HS3ST3B1: variants seen among roughly 807,000 people sequenced by gnomAD.
HS3ST3B1 encodes the protein heparan sulfate-glucosamine 3-sulfotransferase 3B1.
Under a neutral mutation model 21.3 loss-of-function variants are expected in HS3ST3B1, and 13 were observed. The observed-to-expected ratio is 0.61, with a 90% CI of 0.40 to 0.97. The LOEUF (loss-of-function observed/expected upper bound fraction) is 0.97. HS3ST3B1 is among the 50% of genes least tolerant of loss of function. HS3ST3B1 has a pLI of 0.00. For synonymous variants in HS3ST3B1, 234 were observed against 254.8 expected (o/e 0.92, Z 0.78); for missense variants, 459 against 554.8 (o/e 0.83, Z 1.73).
intron 1 of HS3ST3B1, among the ~76,000 whole-genome samples, chr17:14,308,995 T>C (rs1320566211): frequency 6.6e-6 from 1 of 152,236 alleles, no homozygotes; most frequent in Non-Finnish European, 1.5e-5. Flanking sequence ...AATCCCACTC[T>C]TGATTTAATG....
At chr17:14,316,527 G>A (rs1909506148) in intron 1 of HS3ST3B1, among the ~76,000 whole-genome samples, 1 of 152,130 alleles carries the variant, frequency 6.6e-6, no homozygotes. Context: ...TGTTGGAAAA[G>A]GTGAAGCTTT....
intron 1 of HS3ST3B1, among the ~76,000 whole-genome samples, chr17:14,313,113 T>TATATATATATATATAC (rs1555548211): frequency 5.4e-5 from 7 of 129,980 alleles, no homozygotes; most frequent in East Asian, 2.7e-4. Flanking sequence ...TGTGTGTATA[T>TATATATATATATATAC]ATATATATAT....
intron 1 of HS3ST3B1, among the ~76,000 whole-genome samples, chr17:14,314,953 G>A (rs983627611): frequency 6.6e-6 from 1 of 152,178 alleles, no homozygotes; most frequent in African/African-American, 2.4e-5. Flanking sequence ...TTACACTTTT[G>A]TAGGGATCCC....
At chr17:14,343,601 G>A (rs1910457959) in intron 1 of HS3ST3B1, among the ~76,000 whole-genome samples, 1 of 152,060 alleles carries the variant, frequency 6.6e-6, no homozygotes, top group African/African-American at 2.4e-5. Flanking sequence ...GTCTTTCTGT[G>A]CCTGATTTAT....
intron 1 of HS3ST3B1, among the ~76,000 whole-genome samples, chr17:14,336,258 G>A (rs1043881322): frequency 1.1e-4 from 17 of 152,198 alleles, no homozygotes; most frequent in African/African-American, 3.4e-4. Flanking sequence ...GTTAGGTTAC[G>A]CCCATTTCAA....
Position 14,348,087 on chromosome 17 carries a change from A to G in HS3ST3B1, c.*2441A>G, listed in dbSNP as rs1258242885. On this transcript the variant is annotated 3_prime_UTR_variant, in exon 2 of 2. Transcript: ENST00000360954. ...ACTTTCTGATCATTCTGATGGTCTG[A>G]TGTGGCTGTTGATGTGGAACTGCAG... The G allele has an allele frequency of 1.3e-5, 2 of 152,216 alleles. No individual in the cohort carries two copies. The highest frequency in any genetic ancestry group is 2.9e-5 in the Non-Finnish European group (2 of 68,056). 9.4% of individuals were successfully genotyped at this position (152,216 alleles called of 1,614,324 possible).
intron 1 of HS3ST3B1, among the ~76,000 whole-genome samples, chr17:14,316,514 T>C (rs914197446): frequency 6.6e-6 from 1 of 152,204 alleles, no homozygotes; most frequent in Non-Finnish European, 1.5e-5. Flanking sequence ...AGATGTTTGA[T>C]GGTGTTGGAA....
intron 1 of HS3ST3B1, among the ~76,000 whole-genome samples, chr17:14,309,944 A>C (rs1380060574): frequency 6.6e-6 from 1 of 152,058 alleles, no homozygotes; most frequent in Non-Finnish European, 1.5e-5. Flanking sequence ...AATTCAGTTG[A>C]GTCAATTTGC....
intron 1 of HS3ST3B1, among the ~76,000 whole-genome samples, chr17:14,309,018 G>T (rs189425714): frequency 3.1e-4 from 47 of 152,346 alleles, no homozygotes; most frequent in African/African-American, 1.1e-3. Context: ...TGGAGCTGGG[G>T]GGAGAGCCGC....
chr17:14,338,629 G>C (rs533241997), intron 1 of HS3ST3B1, among the ~76,000 whole-genome samples: 12 of 151,250 alleles, frequency 7.9e-5, no homozygotes, highest in Non-Finnish European at 1.3e-4. Context: ...TTTTAGTAGA[G>C]ATTAGGTTTT....
At chr17:14,321,803 T>G (rs758049) in intron 1 of HS3ST3B1, among the ~76,000 whole-genome samples, 116,432 of 152,048 alleles carry the variant, frequency 0.77, 45,284 homozygotes, top group Non-Finnish European at 0.85. Flanking sequence ...ATTTTCAGTT[T>G]TGTGATCATT....
rs1177935472 is a variant in HS3ST3B1, at chr17:14,347,341, A to G, written c.*1695A>G. On this transcript the variant is annotated 3_prime_UTR_variant, in exon 2 of 2. Transcript: ENST00000360954. Reference sequence around the variant, plus strand: ...GCAATATAGTGGCAATTGAGTAGCCATATAGTAATACAGGGGCAGTTGGTT... The same window carrying G: ...GCAATATAGTGGCAATTGAGTAGCCGTATAGTAATACAGGGGCAGTTGGTT... The G allele has an allele frequency of 1.3e-5, 2 of 152,240 alleles. No individual in the cohort carries two copies. The highest frequency in any genetic ancestry group is 4.8e-5 in the African/African-American group (2 of 41,466). The allele number at this position is 152,240 out of a possible 1,614,324, so 9.4% of individuals were successfully genotyped here.
At chr17:14,330,042 G>A (rs1909958542) in intron 1 of HS3ST3B1, among the ~76,000 whole-genome samples, 1 of 152,204 alleles carries the variant, frequency 6.6e-6, no homozygotes, top group Admixed American at 6.5e-5. Context: ...AGGAAAGATG[G>A]CACAGAGACG....
At chr17:14,325,919 CT>C (rs1909798881) in intron 1 of HS3ST3B1, among the ~76,000 whole-genome samples, 1 of 152,158 alleles carries the variant, frequency 6.6e-6, no homozygotes, top group Non-Finnish European at 1.5e-5. Context: ...TATCTAGCAA[CT>C]GTTTATTTTT....
intron 1 of HS3ST3B1, among the ~76,000 whole-genome samples, chr17:14,306,909 A>C (rs1366879693): frequency 6.6e-6 from 1 of 152,232 alleles, no homozygotes; most frequent in Non-Finnish European, 1.5e-5. Flanking sequence ...ATTTATTAGC[A>C]AGACAGTGGA....
chr17:14,324,938 C>T (rs1909762407), intron 1 of HS3ST3B1, among the ~76,000 whole-genome samples: 1 of 152,168 alleles, frequency 6.6e-6, no homozygotes. Flanking sequence ...ACATAAAGCA[C>T]AGAGAGCACA....
chr17:14,306,027 G>C (rs1341115143), intron 1 of HS3ST3B1, among the ~76,000 whole-genome samples: 1 of 152,250 alleles, frequency 6.6e-6, no homozygotes, highest in Admixed American at 6.5e-5. Flanking sequence ...ACACTTCCTC[G>C]CTTAAGTGAT....
intron 1 of HS3ST3B1, among the ~76,000 whole-genome samples, chr17:14,319,966 A>T (rs1909609678): frequency 6.6e-6 from 1 of 151,856 alleles, no homozygotes; most frequent in Non-Finnish European, 1.5e-5. Context: ...TATCATTCTT[A>T]ATGCTTTTGC....
chr17:14,311,729 A>C (rs1052149327), intron 1 of HS3ST3B1, among the ~76,000 whole-genome samples: 3 of 152,158 alleles, frequency 2.0e-5, no homozygotes, highest in Non-Finnish European at 4.4e-5. Context: ...ACACTGAGGA[A>C]GTACAGGAGC....
Sources: allele counts gnomAD v4.1 joint callset (sites outside exome capture counted in the v4.1 genomes callset), GRCh38; gene constraint gnomAD v4.1.1; transcripts MANE v1.5; gene names NCBI Gene and HGNC (gene_info 2026-07-23, HGNC 2026-07-21).